BTBD18: variants seen among roughly 807,000 people sequenced by gnomAD.
BTBD18 encodes BTB/POZ domain-containing protein 18.
For synonymous variants in BTBD18, 311 were observed against 324.4 expected (o/e 0.96, Z 0.44); for missense variants, 787 against 846.3 (o/e 0.93, Z 0.87).
At position 57,745,622 on chromosome 11, in the gene BTBD18, T is replaced by C; in HGVS notation, c.651A>G (p.Pro217=). ...TTGATGGTGAAGAGTTTTTTTCTTG[T>C]GGAGTTGGGCAGGCTCTGGCCTTCC... ...LKRKARACPT[P]QEKNSSPSSH... Residue 217 remains proline, a synonymous_variant, in exon 3 of 3, where the codon CCA becomes CCG. Coordinates refer to ENST00000422652, the MANE Select transcript of BTBD18 (RefSeq NM_001145101.3). The C allele has an allele frequency of 3.2e-6, 5 of 1,551,664 alleles. No individual in the cohort carries two copies. Among genetic ancestry groups the C allele is most frequent in the East Asian group, 2.4e-5 (1 of 40,914 alleles).
Position 57,743,934 on chromosome 11 carries a change from A to C in BTBD18, c.*200T>G. 1.9e-6 allele frequency: 1 copy of C among 525,246 alleles called. No homozygotes were observed. The highest frequency in any genetic ancestry group is 3.4e-6 in the Non-Finnish European group (1 of 295,852). 32.5% of individuals were successfully genotyped at this position (525,246 alleles called of 1,614,324 possible). On this transcript the variant is annotated 3_prime_UTR_variant, in exon 3 of 3. Coordinates refer to ENST00000422652, the MANE Select transcript of BTBD18 (RefSeq NM_001145101.3). Reference sequence around the variant, plus strand: ...AATAGATTACAAATAAGATGGTACAAGTTCATAATTTTCTATCTATGGTAC... The same window carrying C: ...AATAGATTACAAATAAGATGGTACACGTTCATAATTTTCTATCTATGGTAC...
In BTBD18 at chr11:57,745,926, C is replaced by T. The variant is rs762715161; in HGVS notation, c.347G>A (p.Arg116His). Residue 116 changes from arginine (R) to histidine (H), a missense_variant, in exon 3 of 3, where the codon CGT becomes CAT. Transcript: ENST00000422652. ...QDVLSAARQL[R>H]VSELESLQLE... ...CTGAAGGGATTCCAGCTCAGACACA[C>T]GGAGCTGACGGGCAGCAGATAGCAC... The T allele has an allele frequency of 4.6e-5, 72 of 1,551,548 alleles. No individual in the cohort carries two copies. In the South Asian group the frequency reaches 8.1e-4, roughly 17 times the overall value.
intron 2 of BTBD18, among the ~76,000 whole-genome samples, chr11:57,747,071 T>C (rs367586547): frequency 6.6e-6 from 1 of 152,218 alleles, no homozygotes; most frequent in Non-Finnish European, 1.5e-5. Context: ...AAAACTTTTA[T>C]AGAAGCAACT....
intron 2 of BTBD18, among the ~76,000 whole-genome samples, chr11:57,749,183 T>C (rs2060307124): frequency 2.6e-5 from 4 of 152,242 alleles, no homozygotes; most frequent in African/African-American, 9.6e-5. Flanking sequence ...ATTTTTAATA[T>C]ATTGCACAGT....
At chr11:57,746,852 A>G (rs1264603147) in intron 2 of BTBD18, among the ~76,000 whole-genome samples, 2 of 148,310 alleles carry the variant, frequency 1.3e-5, no homozygotes. Flanking sequence ...CACAAGTCTG[A>G]GTTAGGTGTT....
intron 2 of BTBD18, among the ~76,000 whole-genome samples, chr11:57,750,363 A>C (rs1949282463): frequency 6.6e-6 from 1 of 151,342 alleles, no homozygotes; most frequent in Non-Finnish European, 1.5e-5. Context: ...GGAGACAGAG[A>C]GAGACTCTGT....
At position 57,745,902 on chromosome 11, in the gene BTBD18, T is replaced by G; in HGVS notation, c.371A>C (p.Gln124Pro). The change falls in exon 3 of 3, where the codon CAG (glutamine) becomes CCG (proline). Residue 124 changes from glutamine to proline, a missense_variant. By Grantham distance (76) the Gln-to-Pro change is moderately conservative (BLOSUM62 -1). Transcript: ENST00000422652. ...QLRVSELESL[Q>P]LEGGKLVKAP... is the part of the protein sequence containing the mutation. ...CTTCACCAACTTTCCACCCTCAAGC[T>G]GAAGGGATTCCAGCTCAGACACACG... is the stretch of plus-strand genomic sequence containing the variant. 6.4e-7 allele frequency: 1 copy of G among 1,551,644 alleles called. No individual in the cohort carries two copies. The highest frequency in any genetic ancestry group is 1.2e-5 in the South Asian group (1 of 84,052).
In BTBD18 at chr11:57,744,474, G is replaced by A; in HGVS notation, c.1799C>T (p.Ser600Phe). 6.4e-7 allele frequency: 1 copy of A among 1,551,692 alleles called. No individual in the cohort carries two copies. Among genetic ancestry groups the A allele is most frequent in the Non-Finnish European group, 8.7e-7 (1 of 1,146,990 alleles). The change falls in exon 3 of 3, where the codon TCC becomes TTC. Residue 600 changes from serine (S) to phenylalanine (F), a missense_variant. Coordinates refer to ENST00000422652, the MANE Select transcript of BTBD18 (RefSeq NM_001145101.3). Reference sequence around the variant, plus strand: ...GTCTTCCTGACCATCCAGTGGCTGGGAGCTGGTAATTTCAAGGTCTGGTGT... The same window carrying A: ...GTCTTCCTGACCATCCAGTGGCTGGAAGCTGGTAATTTCAAGGTCTGGTGT... ...RWTPDLEITSSQPLDGQEDKL... is the reference protein window; with the variant it reads ...RWTPDLEITSFQPLDGQEDKL...
At chr11:57,749,745 CAAAAAAAAAA>C (rs576323420) in intron 2 of BTBD18, among the ~76,000 whole-genome samples, 78 of 62,974 alleles carry the variant, frequency 1.2e-3, no homozygotes, top group African/African-American at 4.6e-3. Context: ...GCAAGAATCT[CAAAAAAAAAA>C]AAAAAAAAAA....
chr11:57,751,350 TC>T (rs1333644338), intron 1 of BTBD18, 114 bp from the exon 2 acceptor site: 2 of 523,462 alleles, frequency 3.8e-6, no homozygotes, highest in Non-Finnish European at 6.4e-6. Flanking sequence ...TGAGGAAACA[TC>T]AGCCCAGAAA....
Position 57,744,826 on chromosome 11 carries a change from ACTC to A in BTBD18, c.1444_1446del (p.Glu482del), listed in dbSNP as rs745804468. ...GTGGCAGCAGCACTTGTGATTCGGT[ACTC>A]CTCAGCCTCACAGGGCTGCTCCAGC... On this transcript the variant is annotated inframe_deletion, in exon 3 of 3. Transcript: ENST00000422652. 10 of 1,551,502 alleles carry A rather than the reference ACTC, an allele frequency of 6.4e-6. No homozygotes were observed. The highest frequency in any genetic ancestry group is 8.7e-6 in the Non-Finnish European group (10 of 1,146,978).
At chr11:57,753,147 G>C (rs549378367), upstream of BTBD18, 5 of 159,086 alleles carry the variant, frequency 3.1e-5, no homozygotes, top group African/African-American at 4.8e-5. Flanking sequence ...GCTGCGCGTC[G>C]CAGAGCCCTA....
At position 57,744,209 on chromosome 11, in the gene BTBD18, C is replaced by T. The variant is rs1185326145; in HGVS notation, c.2064G>A (p.Leu688=). The T allele has an allele frequency of 1.9e-6, 3 of 1,551,648 alleles. No individual in the cohort carries two copies. Among genetic ancestry groups the T allele is most frequent in the Non-Finnish European group, 2.6e-6 (3 of 1,146,978 alleles). Residue 688 remains leucine, a synonymous_variant, in exon 3 of 3, where the codon CTG becomes CTA. Coordinates refer to ENST00000422652, the MANE Select transcript of BTBD18 (RefSeq NM_001145101.3). Reference sequence around the variant, plus strand: ...ACACGGAGGGAACAGTAGTGGGTACCAGCCTCCCCTCTGCTGTCCAGTCCA... The same window carrying T: ...ACACGGAGGGAACAGTAGTGGGTACTAGCCTCCCCTCTGCTGTCCAGTCCA... ...DVVDWTAEGR[L]VPTTVPSVWP... is the part of the protein sequence containing the mutation.
chr11:57,744,514 C>T lies in BTBD18; in HGVS notation c.1759G>A (p.Val587Ile). The T allele has an allele frequency of 6.4e-7, 1 of 1,551,648 alleles. No individual in the cohort carries two copies. The highest frequency in any genetic ancestry group is 8.7e-7 in the Non-Finnish European group (1 of 1,146,958). The change falls in exon 3 of 3, where the codon GTA (valine) becomes ATA (isoleucine). Residue 587 changes from valine (V) to isoleucine (I), a missense_variant. Coordinates refer to ENST00000422652, the MANE Select transcript of BTBD18 (RefSeq NM_001145101.3). ...AGGTCTGGTGTCCAACGGCCTCCTA[C>T]TGAAAGCACTTCACTCACCTCAGAG... The part of the protein sequence containing the change: ...MPSEVSEVLS[V>I]GGRWTPDLEI...
At chr11:57,751,427 G>A (rs1949306699) in intron 1 of BTBD18, 114 bp downstream of exon 1, 2 of 347,494 alleles carry the variant, frequency 5.8e-6, no homozygotes, top group African/African-American at 4.3e-5. Flanking sequence ...TCAGAGATAA[G>A]CCTAGGTTTG....
chr11:57,745,540 G>A lies in BTBD18; in HGVS notation c.733C>T (p.Leu245Phe). 6.5e-7 allele frequency: 1 copy of A among 1,550,048 alleles called. No homozygotes were observed. The highest frequency in any genetic ancestry group is 8.7e-7 in the Non-Finnish European group (1 of 1,146,990). ...GAGGGGTACAAGCTGGGTGGGGAGA[G>A]CACTGTAGGATCAAGGGCAGTGTCA... Reference protein sequence around the residue: ...KNDTALDPTVLSPPSLYPSVD... With the variant: ...KNDTALDPTVFSPPSLYPSVD... Residue 245 changes from leucine (L) to phenylalanine (F), a missense_variant, in exon 3 of 3, where the codon CTC (leucine) becomes TTC (phenylalanine). Transcript: ENST00000422652.
upstream of BTBD18, among the ~76,000 whole-genome samples, chr11:57,752,460 G>A (rs1237532138): frequency 6.6e-6 from 1 of 151,966 alleles, no homozygotes; most frequent in African/African-American, 2.4e-5. Context: ...CTTGAACCTG[G>A]GAGGCAGAGG....
rs952156370 is a variant in BTBD18, at chr11:57,751,586, T to C, written c.-94A>G. The C allele has an allele frequency of 1.9e-5, 3 of 154,200 alleles. No individual in the cohort carries two copies. The highest frequency in any genetic ancestry group is 2.9e-5 in the Non-Finnish European group (2 of 69,490). 9.6% of individuals were successfully genotyped at this position (154,200 alleles called of 1,614,324 possible). A position where few individuals can be genotyped will look rare whatever the true frequency, so the allele number is the denominator to read the frequency against. The stretch of plus-strand genomic sequence containing the variant: ...ATTAAATGAGTCAGTGAAGGTAAAG[T>C]TGCTTAGCACAGTGAGTGCCTGGCA... On this transcript the variant is annotated 5_prime_UTR_variant, in exon 1 of 3. Transcript: ENST00000422652.
Position 57,745,276 on chromosome 11 carries a change from C to T in BTBD18, c.997G>A (p.Gly333Ser), listed in dbSNP as rs1477851917. The T allele has an allele frequency of 1.3e-6, 2 of 1,551,610 alleles. No individual in the cohort carries two copies. The highest frequency in any genetic ancestry group is 1.7e-6 in the Non-Finnish European group (2 of 1,147,012). Residue 333 changes from glycine (G) to serine (S), a missense_variant, in exon 3 of 3, where the codon GGT becomes AGT. Coordinates refer to ENST00000422652, the MANE Select transcript of BTBD18 (RefSeq NM_001145101.3). ...TCAGGGCTCCGCTTCCTGCTCCCAC[C>T]TGTCTTTCCCAGACCAGATGGGTTT... ...TPNPSGLGKT[G>S]GSRKRSPEVR...
Sources: allele counts gnomAD v4.1 joint callset (sites outside exome capture counted in the v4.1 genomes callset), GRCh38; gene constraint gnomAD v4.1.1; transcripts MANE v1.5; gene names NCBI Gene and HGNC (gene_info 2026-07-23, HGNC 2026-07-21).